Variants in TENM4 observed in about 807,000 individuals in gnomAD.
TENM4 encodes the protein teneurin-4.
In TENM4, 82 loss-of-function variants were observed where a neutral mutation model predicts 243.3. That is an observed-to-expected ratio of 0.34 (90% confidence interval 0.28 to 0.40). TENM4 has a LOEUF of 0.40. TENM4 is among the 10% of genes least tolerant of loss of function. TENM4 has a pLI of 1.00. For missense variants in TENM4, 3,138 were observed against 3,673.3 expected (o/e 0.85, Z 3.77); for synonymous variants, 1,412 against 1,456.3 (o/e 0.97, Z 0.69).
At position 78,672,197 on chromosome 11, in the gene TENM4, T is replaced by C; in HGVS notation, c.5629A>G (p.Ser1877Gly). The C allele has an allele frequency of 6.2e-7, 1 of 1,613,974 alleles. No homozygotes were observed. The highest frequency in any genetic ancestry group is 1.1e-5 in the South Asian group (1 of 91,076). Reference protein sequence around the residue: ...QAGRPSLWSPSSRLNGVNVTY... With the variant: ...QAGRPSLWSPGSRLNGVNVTY... ...ACGTTGACACCATTCAGCCTGCTGC[T>C]GGGTGACCAGAGGCTGGGCCGCCCC... Residue 1877 changes from serine to glycine, a missense_variant, in exon 31 of 34, where the codon AGC becomes GGC. Ser to Gly is a moderately conservative substitution (Grantham distance 56). Coordinates refer to ENST00000278550, the MANE Select transcript of TENM4 (RefSeq NM_001098816.3).
chr11:78,932,512 T>TG (rs79840843), intron 6 of TENM4, among the ~76,000 whole-genome samples: 20,480 of 152,100 alleles, frequency 0.13, 2,994 homozygotes, highest in African/African-American at 0.37. Flanking sequence ...TCTCACTTGA[T>TG]GGGGGGAGAG....
chr11:79,085,236 G>T (rs1251808884), intron 4 of TENM4, among the ~76,000 whole-genome samples: 2 of 151,970 alleles, frequency 1.3e-5, no homozygotes, highest in African/African-American at 4.8e-5. Flanking sequence ...AATTAGCGGG[G>T]TGTGGTGGCG....
chr11:79,236,712 T>A (rs913306669), intron 2 of TENM4, among the ~76,000 whole-genome samples: 9 of 152,136 alleles, frequency 5.9e-5, no homozygotes, highest in African/African-American at 2.2e-4. Flanking sequence ...TGCTTTCTTT[T>A]CCACGAGCCT....
chr11:78,990,972 T>C (rs1004653285), intron 6 of TENM4, among the ~76,000 whole-genome samples: 1 of 152,222 alleles, frequency 6.6e-6, no homozygotes, highest in Non-Finnish European at 1.5e-5. Flanking sequence ...ATACTTGTTT[T>C]ATAGCAGTGC....
At chr11:79,032,933 T>C (rs550067052) in intron 6 of TENM4, among the ~76,000 whole-genome samples, 5 of 152,276 alleles carry the variant, frequency 3.3e-5, no homozygotes, top group Admixed American at 3.3e-4. Flanking sequence ...TGCTGGTGAC[T>C]GGCTTATTTG....
chr11:78,873,229 T>A (rs1859182445), intron 9 of TENM4, among the ~76,000 whole-genome samples: 1 of 152,172 alleles, frequency 6.6e-6, no homozygotes, highest in Non-Finnish European at 1.5e-5. Context: ...CTTGTTTGAT[T>A]ACACACAGAC....
At chr11:79,120,960 T>C (rs1861733521) in intron 4 of TENM4, among the ~76,000 whole-genome samples, 1 of 152,246 alleles carries the variant, frequency 6.6e-6, no homozygotes, top group Non-Finnish European at 1.5e-5. Flanking sequence ...GGAGCTTATA[T>C]AACTTGCCCA....
chr11:79,101,779 G>A (rs1156664127), intron 4 of TENM4, among the ~76,000 whole-genome samples: 2 of 152,128 alleles, frequency 1.3e-5, no homozygotes, highest in South Asian at 2.1e-4. Context: ...GACATAAAGT[G>A]CCCCCCAAAT....
At chr11:79,010,995 C>T (rs1801902438) in intron 6 of TENM4, among the ~76,000 whole-genome samples, 1 of 152,152 alleles carries the variant, frequency 6.6e-6, no homozygotes, top group Non-Finnish European at 1.5e-5. Context: ...TTAGAATGGG[C>T]CACTGGGTTA....
At chr11:79,337,775 T>C (rs1026140213) in intron 1 of TENM4, among the ~76,000 whole-genome samples, 5 of 152,156 alleles carry the variant, frequency 3.3e-5, no homozygotes, top group African/African-American at 1.2e-4. Flanking sequence ...TCTGAGACCT[T>C]ATCACAGCCA....
chr11:78,906,085 A>T (rs1856057210), intron 6 of TENM4, among the ~76,000 whole-genome samples: 1 of 152,254 alleles, frequency 6.6e-6, no homozygotes, highest in Non-Finnish European at 1.5e-5. Flanking sequence ...AGTGTGACCC[A>T]GTCCTTGCTC....
intron 2 of TENM4, among the ~76,000 whole-genome samples, chr11:79,216,275 C>A (rs896985212): frequency 6.6e-6 from 1 of 152,200 alleles, no homozygotes; most frequent in African/African-American, 2.4e-5. Context: ...CCCAAGCACC[C>A]AGCACAGGGC....
chr11:78,890,291 A>C (rs1370488590), intron 8 of TENM4, among the ~76,000 whole-genome samples: 1 of 152,252 alleles, frequency 6.6e-6, no homozygotes, highest in Non-Finnish European at 1.5e-5. Context: ...GGTGTTAACC[A>C]ACTCAACAGA....
intron 28 of TENM4, among the ~76,000 whole-genome samples, chr11:78,700,128 C>A (rs1399531113): frequency 2.0e-5 from 3 of 152,174 alleles, no homozygotes; most frequent in Non-Finnish European, 4.4e-5. Flanking sequence ...CCTTTGGATT[C>A]TCCTAGGACT....
intron 1 of TENM4, among the ~76,000 whole-genome samples, chr11:79,341,579 A>G (rs1857242609): frequency 6.6e-6 from 1 of 152,230 alleles, no homozygotes; most frequent in African/African-American, 2.4e-5. Flanking sequence ...TGCAGTGATT[A>G]TGTATGTAAG....
chr11:78,830,005 G>A (rs1857941576), intron 12 of TENM4, among the ~76,000 whole-genome samples: 1 of 152,194 alleles, frequency 6.6e-6, no homozygotes, highest in Non-Finnish European at 1.5e-5. Flanking sequence ...GACACAGTGA[G>A]TCCGTGTGAG....
intron 25 of TENM4, among the ~76,000 whole-genome samples, chr11:78,718,234 C>T (rs1419036714): frequency 6.6e-6 from 1 of 152,140 alleles, no homozygotes; most frequent in African/African-American, 2.4e-5. Flanking sequence ...AGAGCTGAAC[C>T]CAGGCTCTCT....
intron 1 of TENM4, among the ~76,000 whole-genome samples, chr11:79,330,080 G>T (rs750065868): frequency 1.3e-5 from 2 of 152,198 alleles, no homozygotes; most frequent in Non-Finnish European, 2.9e-5. Flanking sequence ...CTCTCTAGGG[G>T]AAAAGCCCTG....
intron 1 of TENM4, among the ~76,000 whole-genome samples, chr11:79,328,571 G>C (rs1186584307): frequency 6.6e-6 from 1 of 152,114 alleles, no homozygotes; most frequent in Non-Finnish European, 1.5e-5. Context: ...AGTTCTGTAT[G>C]CCTGGTAAGA....
Sources: allele counts gnomAD v4.1 joint callset (sites outside exome capture counted in the v4.1 genomes callset), GRCh38; gene constraint gnomAD v4.1.1; transcripts MANE v1.5; gene names NCBI Gene and HGNC (gene_info 2026-07-23, HGNC 2026-07-21).